Variants in DPP6 observed in about 807,000 individuals in gnomAD.
DPP6 encodes A-type potassium channel modulatory protein DPP6.
A neutral mutation model predicts 122.6 loss-of-function variants in DPP6; 69 were observed. The observed-to-expected ratio is 0.56, with a 90% confidence interval of 0.46 to 0.69. DPP6 has a LOEUF of 0.69. Ranked by LOEUF, DPP6 falls within the 30% of genes least tolerant of loss-of-function variation. The probability of loss-of-function intolerance (pLI) is 0.00; values close to 1 mark genes in which losing one functional copy is unlikely to be tolerated. For missense variants in DPP6, 928 were observed against 1,116.9 expected (o/e 0.83, Z 2.41); for synonymous variants, 418 against 433.1 (o/e 0.97, Z 0.43).
At chr7:154,852,196 C>T (rs1281381428) in intron 16 of DPP6, among the ~76,000 whole-genome samples, 3 of 152,174 alleles carry the variant, frequency 2.0e-5, no homozygotes, top group Admixed American at 6.5e-5. Context: ...TCAGACGGCC[C>T]CTCAGAAGCG....
intron 3 of DPP6, among the ~76,000 whole-genome samples, chr7:154,491,662 C>T (rs1480544593): frequency 1.3e-5 from 2 of 152,110 alleles, no homozygotes; most frequent in East Asian, 3.8e-4. Context: ...GTCTTACATA[C>T]TTGAAGAACA....
chr7:154,838,182 T>A (rs1801235463), intron 16 of DPP6, among the ~76,000 whole-genome samples: 1 of 152,166 alleles, frequency 6.6e-6, no homozygotes, highest in African/African-American at 2.4e-5. Context: ...TCTTAAATAA[T>A]TCATGGAACT....
At chr7:154,757,365 G>T (rs1795196889) in intron 8 of DPP6, among the ~76,000 whole-genome samples, 1 of 152,230 alleles carries the variant, frequency 6.6e-6, no homozygotes, top group Non-Finnish European at 1.5e-5. Context: ...TGCACCAGCT[G>T]ATGCCCACTG....
intron 3 of DPP6, among the ~76,000 whole-genome samples, chr7:154,480,141 T>G (rs892046872): frequency 1.3e-5 from 2 of 151,646 alleles, no homozygotes; most frequent in Admixed American, 1.3e-4. Context: ...CTCCCCTAAA[T>G]TTTTGTTCTG....
intron 1 of DPP6, among the ~76,000 whole-genome samples, chr7:154,285,310 G>A (rs749963859): frequency 4.7e-4 from 72 of 152,092 alleles, no homozygotes; most frequent in Admixed American, 8.5e-4. Flanking sequence ...TGTCACCCAG[G>A]CTGGAGTGCA....
intron 5 of DPP6, among the ~76,000 whole-genome samples, chr7:154,593,016 T>C (rs1373957530): frequency 2.0e-5 from 3 of 152,034 alleles, no homozygotes; most frequent in African/African-American, 7.2e-5. Context: ...GGAGCTGTCA[T>C]GGGACAAGCA....
intron 3 of DPP6, among the ~76,000 whole-genome samples, chr7:154,537,943 G>A (rs1031136520): frequency 5.9e-5 from 9 of 151,992 alleles, no homozygotes; most frequent in African/African-American, 2.2e-4. Flanking sequence ...TGAGAACTAA[G>A]AGCCAAGACA....
chr7:154,280,156 C>T (rs1266910726), intron 1 of DPP6, among the ~76,000 whole-genome samples: 1 of 152,104 alleles, frequency 6.6e-6, no homozygotes, highest in African/African-American at 2.4e-5. Flanking sequence ...AGGACTGTCA[C>T]TACTGCAAGC....
chr7:154,092,404 A>G (rs1224170425), intron 1 of DPP6: 2 of 151,626 alleles, frequency 1.3e-5, no homozygotes, highest in Non-Finnish European at 2.9e-5. Flanking sequence ...TCTGGGATCC[A>G]CCCAGGCCTC....
At chr7:154,488,594 T>C (rs536110420) in intron 3 of DPP6, among the ~76,000 whole-genome samples, 1 of 151,882 alleles carries the variant, frequency 6.6e-6, no homozygotes, top group South Asian at 2.1e-4. Context: ...CCATCGTAAG[T>C]TTGATACTTG....
intron 1 of DPP6, among the ~76,000 whole-genome samples, chr7:154,062,375 G>A (rs1201125733): frequency 1.3e-4 from 1 of 7,650 alleles, no homozygotes; most frequent in East Asian, 3.6e-3. Flanking sequence ...CCCCTCTTCC[G>A]CCCCTGGCTT....
At chr7:153,793,268 A>T in the DPP6 span, among the ~76,000 whole-genome samples, 11 of 151,942 alleles carry the variant, frequency 7.2e-5, no homozygotes, top group South Asian at 1.9e-3. Context: ...CAAAAGCCTG[A>T]TAGCAATATG....
At chr7:154,041,181 T>G (rs1045846824) in intron 1 of DPP6, among the ~76,000 whole-genome samples, 1 of 152,178 alleles carries the variant, frequency 6.6e-6, no homozygotes, top group African/African-American at 2.4e-5. Context: ...ACATGTTCTC[T>G]TCTCTTCACA....
At chr7:154,509,481 G>T (rs560139803) in intron 3 of DPP6, among the ~76,000 whole-genome samples, 1 of 152,294 alleles carries the variant, frequency 6.6e-6, no homozygotes, top group African/African-American at 2.4e-5. Flanking sequence ...GATAACAAGT[G>T]TTGGTGAGAA....
At chr7:153,760,971 C>A in the DPP6 span, among the ~76,000 whole-genome samples, 1 of 152,088 alleles carries the variant, frequency 6.6e-6, no homozygotes, top group Admixed American at 6.6e-5. Flanking sequence ...CCTTGTTCTC[C>A]CCAGACTCTC....
intron 8 of DPP6, among the ~76,000 whole-genome samples, chr7:154,742,737 T>C (rs1237034284): frequency 6.6e-6 from 1 of 152,226 alleles, no homozygotes. Context: ...CTCTGATGAA[T>C]GTTCTATGCC....
chr7:153,881,272 T>C, the DPP6 span, among the ~76,000 whole-genome samples: 127 of 152,342 alleles, frequency 8.3e-4, no homozygotes, highest in African/African-American at 2.9e-3. Flanking sequence ...GATAAGTTGT[T>C]AGATGTGCAA....
intron 1 of DPP6, among the ~76,000 whole-genome samples, chr7:154,053,681 G>T (rs902717543): frequency 2.6e-5 from 4 of 151,978 alleles, no homozygotes; most frequent in Non-Finnish European, 5.9e-5. Flanking sequence ...CCAACCCTCT[G>T]TCCCAGGGCC....
chr7:154,211,710 C>G (rs143710641), intron 1 of DPP6, among the ~76,000 whole-genome samples: 1 of 152,168 alleles, frequency 6.6e-6, no homozygotes, highest in African/African-American at 2.4e-5. Flanking sequence ...AAACTGTTTA[C>G]TCAGAGGACC....
Sources: gnomAD v4.1 joint callset for allele counts (sites outside exome capture counted in the v4.1 genomes callset) on GRCh38, gnomAD v4.1.1 for gene constraint, MANE v1.5 for transcripts, NCBI Gene and HGNC (gene_info 2026-07-23, HGNC 2026-07-21) for gene names.